TRPM6: variants seen among roughly 807,000 people sequenced by gnomAD.
TRPM6 encodes the protein channel kinase 2.
Under a neutral mutation model 247.6 loss-of-function variants are expected in TRPM6, and 111 were observed. The ratio of observed to expected loss-of-function variants is 0.45; its 90% confidence interval spans 0.38 to 0.52. The LOEUF is 0.52. TRPM6 is among the 20% of genes least tolerant of loss of function. The probability of loss-of-function intolerance (pLI) is 0.00; values close to 1 mark genes in which losing one functional copy is unlikely to be tolerated. For missense variants in TRPM6, 2,126 were observed against 2,421.5 expected (o/e 0.88, Z 2.56); for synonymous variants, 892 against 853.8 (o/e 1.04, Z -0.78).
At chr9:74,866,070 G>A (rs1233673962) in intron 1 of TRPM6, among the ~76,000 whole-genome samples, 1 of 152,210 alleles carries the variant, frequency 6.6e-6, no homozygotes, top group African/African-American at 2.4e-5. Context: ...GGAGGCCATG[G>A]CTAGAGAATC....
At chr9:74,852,462 T>TC (rs1830360444) in intron 3 of TRPM6, among the ~76,000 whole-genome samples, 1 of 145,906 alleles carries the variant, frequency 6.9e-6, no homozygotes, top group African/African-American at 2.6e-5. Flanking sequence ...TCCCTCTCCC[T>TC]CTCCCTCTCC....
At chr9:74,868,152 A>C (rs1830912734) in intron 1 of TRPM6, among the ~76,000 whole-genome samples, 1 of 151,292 alleles carries the variant, frequency 6.6e-6, no homozygotes, top group African/African-American at 2.4e-5. Flanking sequence ...TCCGCAAAAA[A>C]AAAAAAAACT....
At position 74,827,503 on chromosome 9, in the gene TRPM6, C is replaced by T. The variant is rs78221262; in HGVS notation, c.841+275G>A. 4.6e-3 allele frequency among the ~76,000 whole-genome samples: 703 copies of T among 152,016 alleles called. 5 individuals carry two copies. Among genetic ancestry groups the T allele is most frequent in the African/African-American group, 0.016 (663 of 41,480 alleles). On this transcript the variant is annotated intron_variant, in intron 7 of 38. Coordinates refer to ENST00000360774, the MANE Select transcript of TRPM6 (RefSeq NM_017662.5). ...GAAGAACACAGGATATCAGACAGTG[C>T]AGACTTGTGGATGACAGTTGAGAGA... is the stretch of plus-strand genomic sequence containing the variant.
Position 74,724,764 on chromosome 9 carries a change from A to G in TRPM6, c.5936-18T>C. On this transcript the variant is annotated intron_variant, in intron 38 of 38. Coordinates refer to ENST00000360774, the MANE Select transcript of TRPM6 (RefSeq NM_017662.5). Reference sequence around the variant, plus strand: ...TTTTAAATCTGCAAGGAGGACAAGTAAAAAGGTTATAGTGGAACCCCAAGA... The same window carrying G: ...TTTTAAATCTGCAAGGAGGACAAGTGAAAAGGTTATAGTGGAACCCCAAGA... 6.2e-7 allele frequency: 1 copy of G among 1,614,006 alleles called. No individual in the cohort carries two copies. The highest frequency in any genetic ancestry group is 8.5e-7 in the Non-Finnish European group (1 of 1,179,954).
At chr9:74,871,922 G>A (rs1587603033) in intron 1 of TRPM6, among the ~76,000 whole-genome samples, 2 of 150,868 alleles carry the variant, frequency 1.3e-5, no homozygotes, top group East Asian at 1.9e-4. Flanking sequence ...GCACAATCTC[G>A]GCTCACTGCA....
At chr9:74,813,653 A>G (rs572821038) in intron 11 of TRPM6, among the ~76,000 whole-genome samples, 4 of 152,336 alleles carry the variant, frequency 2.6e-5, no homozygotes, top group South Asian at 4.1e-4. Context: ...ACAGGCTCGG[A>G]ATTTCCAAAG....
At chr9:74,763,981 T>G (rs777940168) in intron 25 of TRPM6, among the ~76,000 whole-genome samples, 12 of 152,090 alleles carry the variant, frequency 7.9e-5, no homozygotes, top group Non-Finnish European at 1.3e-4. Flanking sequence ...AAATCCCATC[T>G]CTACTAAAAA....
chr9:74,817,023 A>G, intron 9 of TRPM6, 59 bp from the exon 10 acceptor site: 2 of 1,389,516 alleles, frequency 1.4e-6, no homozygotes, highest in Non-Finnish European at 2.0e-6. Flanking sequence ...AAATGCTTTC[A>G]AAGAGTACCC....
chr9:74,755,002 G>A (rs1221435386), intron 28 of TRPM6, among the ~76,000 whole-genome samples: 1 of 152,182 alleles, frequency 6.6e-6, no homozygotes, highest in Non-Finnish European at 1.5e-5. Context: ...GTCCATATCA[G>A]TGTCATGTGT....
At chr9:74,803,653 G>A (rs1443715213) in intron 15 of TRPM6, 141 bp downstream of exon 15, 9 of 747,384 alleles carry the variant, frequency 1.2e-5, no homozygotes, top group Non-Finnish European at 2.2e-5. Flanking sequence ...GCTGTGTTAT[G>A]CTTTTGACTT....
In TRPM6 at chr9:74,887,867, C is replaced by T; in HGVS notation, c.-11G>A. 2 of 1,614,082 alleles carry T rather than the reference C, an allele frequency of 1.2e-6. No individual in the cohort carries two copies. Among genetic ancestry groups the T allele is most frequent in the Non-Finnish European group, 1.7e-6 (2 of 1,180,026 alleles). On this transcript the variant is annotated 5_prime_UTR_variant, in exon 1 of 39. Coordinates refer to ENST00000360774, the MANE Select transcript of TRPM6 (RefSeq NM_017662.5). ...AGGTTGTTCTTTCATCTTTGATTTGCAGGCCCTGCTCCCAAAGCCCTGTCT... is the reference window on the plus strand; with the variant it reads ...AGGTTGTTCTTTCATCTTTGATTTGTAGGCCCTGCTCCCAAAGCCCTGTCT...
At chr9:74,861,141 C>T (rs545861674) in intron 1 of TRPM6, among the ~76,000 whole-genome samples, 1 of 152,268 alleles carries the variant, frequency 6.6e-6, no homozygotes, top group Admixed American at 6.5e-5. Flanking sequence ...TTATTAAATA[C>T]CTAATTTTTG....
In TRPM6 at chr9:74,755,824, CTA is replaced by C. The variant is rs148323194; in HGVS notation, c.4786-353_4786-352del. Among the ~76,000 whole-genome samples the C allele has an allele frequency of 7.4e-3, 1,122 of 152,268 alleles. 13 individuals are homozygous for C. Among genetic ancestry groups the C allele is most frequent in the African/African-American group, 0.025 (1,049 of 41,546 alleles). ...CTGGAAGGAGGAAGAATTTGAATCTCTATTAAGTTCCCAGGTGATGCTCATGC... is the reference window on the plus strand; with the variant it reads ...CTGGAAGGAGGAAGAATTTGAATCTCTTAAGTTCCCAGGTGATGCTCATGC... On this transcript the variant is annotated intron_variant, in intron 27 of 38. Transcript: ENST00000360774.
chr9:74,727,638 AAC>A (rs1825376989), intron 38 of TRPM6, among the ~76,000 whole-genome samples: 1 of 152,180 alleles, frequency 6.6e-6, no homozygotes, highest in South Asian at 2.1e-4. Flanking sequence ...AAAGGAATGA[AAC>A]AGAGCCAGGA....
chr9:74,840,999 C>G (rs1295186425), intron 4 of TRPM6, among the ~76,000 whole-genome samples: 1 of 152,060 alleles, frequency 6.6e-6, no homozygotes, highest in African/African-American at 2.4e-5. Flanking sequence ...AATCATTTCA[C>G]AGATTTGCAT....
At chr9:74,799,553 C>T (rs1028628068) in intron 17 of TRPM6, among the ~76,000 whole-genome samples, 2 of 146,048 alleles carry the variant, frequency 1.4e-5, no homozygotes, top group Non-Finnish European at 3.1e-5. Context: ...CACACATACA[C>T]ACACACACAC....
At chr9:74,808,633 T>TA (rs1400259792) in intron 13 of TRPM6, among the ~76,000 whole-genome samples, 2 of 152,228 alleles carry the variant, frequency 1.3e-5, no homozygotes, top group African/African-American at 4.8e-5. Context: ...AGTAAAATCT[T>TA]AAAGTCTACA....
intron 21 of TRPM6, among the ~76,000 whole-genome samples, chr9:74,784,488 C>T (rs750181425): frequency 2.0e-5 from 3 of 152,066 alleles, no homozygotes; most frequent in Admixed American, 6.6e-5. Context: ...TTAATACATA[C>T]TAATTACCTA....
chr9:74,784,937 C>A (rs1363932789), intron 21 of TRPM6, among the ~76,000 whole-genome samples: 2 of 152,108 alleles, frequency 1.3e-5, no homozygotes, highest in East Asian at 3.9e-4. Flanking sequence ...CATAGTGGGA[C>A]CCTGTCTATA....
Sources: allele counts gnomAD v4.1 joint callset (sites outside exome capture counted in the v4.1 genomes callset), GRCh38; gene constraint gnomAD v4.1.1; transcripts MANE v1.5; gene names NCBI Gene and HGNC (gene_info 2026-07-23, HGNC 2026-07-21).